ONECUT3: variants seen among roughly 807,000 people sequenced by gnomAD.
ONECUT3 encodes the protein one cut domain family member 3.
ONECUT3 carries 11 observed loss-of-function variants against 16.8 expected under a neutral mutation model. The observed-to-expected ratio is 0.66, with a 90% CI of 0.41 to 1.09. The LOEUF (loss-of-function observed/expected upper bound fraction) is 1.09. Among genes scored for constraint, ONECUT3 ranks in the 50% least tolerant of loss-of-function variants. ONECUT3 has a pLI of 0.00. For missense variants in ONECUT3, 637 were observed against 629.9 expected (o/e 1.01, Z -0.12); for synonymous variants, 344 against 310.7 (o/e 1.11, Z -1.13).
chr19:1,759,219 G>A lies in ONECUT3; in HGVS notation c.1192+4365G>A, dbSNP rs2067933436. ...ATTGGGCACCTCTGTTTGGTGGTGG[G>A]TGAGCAGGGGGGATGCCAGGGACTG... On this transcript the variant is annotated intron_variant, in intron 1 of 1. Transcript: ENST00000382349. This position sits in a 1 kb window ranked among gnomAD's most constrained non-coding sequence, Gnocchi z 4.1. Among the ~76,000 whole-genome samples, 1 of 152,216 alleles carries A rather than the reference G, an allele frequency of 6.6e-6. No individual in the cohort carries two copies. Among genetic ancestry groups the A allele is most frequent in the African/African-American group, 2.4e-5 (1 of 41,452 alleles).
chr19:1,760,000 G>T lies in ONECUT3; in HGVS notation c.1192+5146G>T, dbSNP rs563977049. On this transcript the variant is annotated intron_variant, in intron 1 of 1. Coordinates refer to ENST00000382349, the MANE Select transcript of ONECUT3 (RefSeq NM_001080488.2). This position sits in a 1 kb window ranked among gnomAD's most constrained non-coding sequence, Gnocchi z 4.1. The stretch of plus-strand genomic sequence containing the variant: ...AGCCCTAGCTAGGGACCTGGGCCAG[G>T]ATCAGGGATCAGGCTCCCGCCTCCC... 2.0e-5 allele frequency among the ~76,000 whole-genome samples: 3 copies of T among 152,352 alleles called. No homozygotes were observed. Among genetic ancestry groups the T allele is most frequent in the African/African-American group, 7.2e-5 (3 of 41,582 alleles).
chr19:1,771,793 C>T (rs2068057229), intron 1 of ONECUT3, among the ~76,000 whole-genome samples: 1 of 151,826 alleles, frequency 6.6e-6, no homozygotes, highest in Non-Finnish European at 1.5e-5. Context: ...GATCCTCCTA[C>T]CTCAGCATCC....
chr19:1,773,671 T>C (rs760360867), intron 1 of ONECUT3, among the ~76,000 whole-genome samples: 1 of 152,162 alleles, frequency 6.6e-6, no homozygotes, highest in Non-Finnish European at 1.5e-5. Context: ...ACAGAGTAGC[T>C]GGAACTCCGG....
At position 1,754,322 on chromosome 19, in the gene ONECUT3, A is replaced by G. The variant is rs994322083; in HGVS notation, c.660A>G (p.Pro220=). 2 of 1,051,802 alleles carry G rather than the reference A, an allele frequency of 1.9e-6. No individual in the cohort carries two copies. Among genetic ancestry groups the G allele is most frequent in the Non-Finnish European group, 2.3e-6 (2 of 878,482 alleles). The allele number at this position is 1,051,802 out of a possible 1,614,324, so 65.2% of individuals were successfully genotyped here. Residue 220 remains proline, a synonymous_variant, in exon 1 of 2, where the codon CCA becomes CCG. Transcript: ENST00000382349. This position sits in a 1 kb window ranked among gnomAD's most constrained non-coding sequence, Gnocchi z 7.4. ...GCGCCCCGCAGCCCCCGCCGCCGCC[A>G]CCACCCCCGCCGCTGGCCGCCTACG... is the stretch of plus-strand genomic sequence containing the variant. ...LHGAPQPPPP[P]PPPPLAAYGP...
At position 1,755,136 on chromosome 19, in the gene ONECUT3, G is replaced by T. The variant is rs1377648250; in HGVS notation, c.1192+282G>T. On this transcript the variant is annotated intron_variant, in intron 1 of 1. Coordinates refer to ENST00000382349, the MANE Select transcript of ONECUT3 (RefSeq NM_001080488.2). This position sits in a 1 kb window ranked among gnomAD's most constrained non-coding sequence, Gnocchi z 7.5. ...GGGGTTCTCTAGTCCTTGTTAGACT[G>T]CTGGGAGGCTCCGAGCCTCTCCCCA... is the stretch of plus-strand genomic sequence containing the variant. Among the ~76,000 whole-genome samples the T allele has an allele frequency of 1.3e-5, 2 of 152,146 alleles. No individual in the cohort carries two copies. Among genetic ancestry groups the T allele is most frequent in the East Asian group, 3.9e-4 (2 of 5,166 alleles).
In ONECUT3 at chr19:1,755,555, G is replaced by A. The variant is rs1236671779; in HGVS notation, c.1192+701G>A. Among the ~76,000 whole-genome samples, 1 of 151,972 alleles carries A rather than the reference G, an allele frequency of 6.6e-6. No homozygotes were observed. On this transcript the variant is annotated intron_variant, in intron 1 of 1. Coordinates refer to ENST00000382349, the MANE Select transcript of ONECUT3 (RefSeq NM_001080488.2). This position sits in a 1 kb window ranked among gnomAD's most constrained non-coding sequence, Gnocchi z 7.5. ...CCCGGAGGCCTTCACACCCCGACCC[G>A]GCGCCCGCCCCGCGCAGTTTGGTCG...
chr19:1,764,394 G>T lies in ONECUT3; in HGVS notation c.1192+9540G>T, dbSNP rs1568595496. Among the ~76,000 whole-genome samples, 1 of 152,200 alleles carries T rather than the reference G, an allele frequency of 6.6e-6. No individual in the cohort carries two copies. Among genetic ancestry groups the T allele is most frequent in the Non-Finnish European group, 1.5e-5 (1 of 68,044 alleles). ...GGCTCAGAACTAATTTGAAAATGCA[G>T]TCATTAAAATCCCATCAGGGGAGGC... On this transcript the variant is annotated intron_variant, in intron 1 of 1. Coordinates refer to ENST00000382349, the MANE Select transcript of ONECUT3 (RefSeq NM_001080488.2). This position sits in a 1 kb window ranked among gnomAD's most constrained non-coding sequence, Gnocchi z 5.0.
rs972083197 is a variant in ONECUT3 at position 1,779,624 on chromosome 19, G to A, written c.*4179G>A. 3 of 145,622 alleles carry A rather than the reference G, an allele frequency of 2.1e-5. No individual in the cohort carries two copies. In the Admixed American group the frequency reaches 2.1e-4, roughly 10 times the overall value. The allele number at this position is 145,622 out of a possible 1,614,324, so 9.0% of individuals were successfully genotyped here. A position where few individuals can be genotyped will look rare whatever the true frequency, so the allele number is the denominator to read the frequency against. On this transcript the variant is annotated 3_prime_UTR_variant, in exon 2 of 2. Coordinates refer to ENST00000382349, the MANE Select transcript of ONECUT3 (RefSeq NM_001080488.2). ...AAAAGACAAAATGGAATTTGAGTTGGTGCATGACTAATGTACTCTTTCTTG... is the reference window on the plus strand; with the variant it reads ...AAAAGACAAAATGGAATTTGAGTTGATGCATGACTAATGTACTCTTTCTTG...
rs2067992014 is a variant in ONECUT3, at chr19:1,766,567, G to T, written c.1193-8586G>T. Among the ~76,000 whole-genome samples the T allele has an allele frequency of 6.6e-6, 1 of 151,732 alleles. No individual in the cohort carries two copies. The highest frequency in any genetic ancestry group is 6.6e-5 in the Admixed American group (1 of 15,236). ...AAAAGAAAAGAGCAGAGAGGGGAGA[G>T]GGAGGGAGGGTGAGTGGAAAAGGAG... On this transcript the variant is annotated intron_variant, in intron 1 of 1. Transcript: ENST00000382349. This position sits in a 1 kb window ranked among gnomAD's most constrained non-coding sequence, Gnocchi z 4.0.
At position 1,754,967 on chromosome 19, in the gene ONECUT3, G is replaced by A. The variant is rs2067909153; in HGVS notation, c.1192+113G>A. The A allele has an allele frequency of 2.1e-5, 26 of 1,237,686 alleles. No homozygotes were observed. Among genetic ancestry groups the A allele is most frequent in the Non-Finnish European group, 2.6e-5 (26 of 981,284 alleles). 76.7% of individuals were successfully genotyped at this position (1,237,686 alleles called of 1,614,324 possible). A position where few individuals can be genotyped will look rare whatever the true frequency, so the allele number is the denominator to read the frequency against. On this transcript the variant is annotated intron_variant, in intron 1 of 1. Transcript: ENST00000382349. The surrounding 1 kb of genome is among the most constrained non-coding windows in gnomAD (Gnocchi z 7.4). ...CCAGCGCCCCAAGCCCCGCCCGTGC[G>A]CCCCGGCAGCCCGGGACCCCCTATC...
rs557030564 is a variant in ONECUT3 at position 1,762,472 on chromosome 19, G to C, written c.1192+7618G>C. 6.6e-6 allele frequency among the ~76,000 whole-genome samples: 1 copy of C among 152,368 alleles called. No homozygotes were observed. Among genetic ancestry groups the C allele is most frequent in the African/African-American group, 2.4e-5 (1 of 41,580 alleles). On this transcript the variant is annotated intron_variant, in intron 1 of 1. Coordinates refer to ENST00000382349, the MANE Select transcript of ONECUT3 (RefSeq NM_001080488.2). This position sits in a 1 kb window ranked among gnomAD's most constrained non-coding sequence, Gnocchi z 4.4. The stretch of plus-strand genomic sequence containing the variant: ...CTGCTGGGGGGATGACTGTGCCTCA[G>C]TTTCCATCACCCAGCAAACGCCGTC...
intron 1 of ONECUT3, among the ~76,000 whole-genome samples, chr19:1,765,853 C>A (rs1037688433): frequency 1.3e-5 from 2 of 152,188 alleles, no homozygotes; most frequent in Non-Finnish European, 2.9e-5. Flanking sequence ...AGGAGCCCAC[C>A]CTGGGGCTGG....
Position 1,762,254 on chromosome 19 carries a change from ACCCTCCTG to A in ONECUT3, c.1192+7424_1192+7431del, listed in dbSNP as rs561768747. 1.0e-3 allele frequency among the ~76,000 whole-genome samples: 155 copies of A among 151,778 alleles called. 2 individuals carry two copies. The highest frequency in any genetic ancestry group is 3.5e-3 in the African/African-American group (144 of 41,386). ...CCCAGCTGCGCCCGCCAGCCCTCCA[ACCCTCCTG>A]CCCTCCTGCCCTCCTGCCCTCCTCT... On this transcript the variant is annotated intron_variant, in intron 1 of 1. Transcript: ENST00000382349. This position sits in a 1 kb window ranked among gnomAD's most constrained non-coding sequence, Gnocchi z 4.4.
chr19:1,768,924 A>G (rs2068022313), intron 1 of ONECUT3, among the ~76,000 whole-genome samples: 1 of 140,570 alleles, frequency 7.1e-6, no homozygotes. Flanking sequence ...GAGGTGGTGG[A>G]GGTGAAGGTG....
In ONECUT3 at chr19:1,764,967, G is replaced by A. The variant is rs762382568; in HGVS notation, c.1192+10113G>A. Among the ~76,000 whole-genome samples, 53 of 151,894 alleles carry A rather than the reference G, an allele frequency of 3.5e-4. No individual in the cohort carries two copies. Among genetic ancestry groups the A allele is most frequent in the Non-Finnish European group, 6.5e-4 (44 of 68,008 alleles). On this transcript the variant is annotated intron_variant, in intron 1 of 1. Coordinates refer to ENST00000382349, the MANE Select transcript of ONECUT3 (RefSeq NM_001080488.2). The surrounding 1 kb of genome is among the most constrained non-coding windows in gnomAD (Gnocchi z 5.0). ...CTCCATATTGAATTGTCTGCTCCCT[G>A]AAGCCAGAGGTGGCTGAGGGAGGGG... is the stretch of plus-strand genomic sequence containing the variant.
chr19:1,773,608 T>A (rs1230124960), intron 1 of ONECUT3, among the ~76,000 whole-genome samples: 1 of 152,110 alleles, frequency 6.6e-6, no homozygotes, highest in Non-Finnish European at 1.5e-5. Flanking sequence ...GAGAAGAGAC[T>A]GGGAGCAGAG....
At chr19:1,771,232 G>A (rs1394756861) in intron 1 of ONECUT3, among the ~76,000 whole-genome samples, 1 of 152,186 alleles carries the variant, frequency 6.6e-6, no homozygotes, top group South Asian at 2.1e-4. Flanking sequence ...CTGTCTTCCA[G>A]GGTCCCCCTC....
rs754567558 is a variant in ONECUT3 at position 1,754,757 on chromosome 19, G to C, written c.1095G>C (p.Pro365=). 1.3e-6 allele frequency: 2 copies of C among 1,571,200 alleles called. No individual in the cohort carries two copies. The highest frequency in any genetic ancestry group is 8.6e-7 in the Non-Finnish European group (1 of 1,161,154). ...TLSDLLRNPK[P]WSKLKSGRET... is the part of the protein sequence containing the mutation. ...CCGACCTGCTGCGCAACCCCAAGCC[G>C]TGGAGCAAGCTCAAATCCGGCCGCG... is the stretch of plus-strand genomic sequence containing the variant. Residue 365 remains proline, a synonymous_variant, in exon 1 of 2, where the codon CCG becomes CCC. Transcript: ENST00000382349. This position sits in a 1 kb window ranked among gnomAD's most constrained non-coding sequence, Gnocchi z 7.4.
At chr19:1,773,390 T>C (rs933658232) in intron 1 of ONECUT3, among the ~76,000 whole-genome samples, 2 of 152,210 alleles carry the variant, frequency 1.3e-5, no homozygotes, top group South Asian at 2.1e-4. Flanking sequence ...CCCCACACAT[T>C]CCAGGTCAGA....
Sources: gnomAD v4.1 joint callset for allele counts (sites outside exome capture counted in the v4.1 genomes callset) on GRCh38, gnomAD v4.1.1 for gene constraint, Gnocchi (gnomAD v3.1) non-coding constraint, MANE v1.5 for transcripts, NCBI Gene and HGNC (gene_info 2026-07-23, HGNC 2026-07-21) for gene names.